Variants in SHQ1 observed in about 807,000 individuals in gnomAD.
The protein encoded by SHQ1 is SHQ1, H/ACA ribonucleoprotein assembly factor, also known as protein SHQ1 homolog.
A neutral mutation model predicts 53.8 loss-of-function variants in SHQ1; 49 were observed. That is an observed-to-expected ratio of 0.91 (90% CI 0.72 to 1.16). The LOEUF is 1.16. SHQ1 is among the 50% of genes most tolerant of loss of function. SHQ1 has a pLI of 0.00. For synonymous variants in SHQ1, 243 were observed against 251.0 expected, an observed-to-expected ratio of 0.97 and a Z score of 0.30; for missense variants, 738 against 683.1, an observed-to-expected ratio of 1.08 and a Z score of -0.90.
At chr3:72,796,041 T>G (rs9843239) in intron 9 of SHQ1, among the ~76,000 whole-genome samples, 3,734 of 140,604 alleles carry the variant, frequency 0.027, 166 homozygotes, top group African/African-American at 0.096. Context: ...AGGCAGAGGT[T>G]GCAGTGAGCC....
chr3:72,792,548 G>A (rs993122797), intron 10 of SHQ1, among the ~76,000 whole-genome samples: 6 of 152,092 alleles, frequency 3.9e-5, no homozygotes, highest in Non-Finnish European at 5.9e-5. Flanking sequence ...CACTCTGGGA[G>A]GCCGAGGTGG....
At chr3:72,764,971 G>A (rs987318182) in intron 10 of SHQ1, among the ~76,000 whole-genome samples, 1 of 152,192 alleles carries the variant, frequency 6.6e-6, no homozygotes. Context: ...AGGGCAGCCT[G>A]ACTCTGTCCC....
At chr3:72,785,951 A>G (rs984514880) in intron 10 of SHQ1, among the ~76,000 whole-genome samples, 1 of 152,208 alleles carries the variant, frequency 6.6e-6, no homozygotes, top group Non-Finnish European at 1.5e-5. Flanking sequence ...CATTAAATCA[A>G]CATTTCCAAA....
At chr3:72,730,061 G>A in the SHQ1 span, among the ~76,000 whole-genome samples, 4 of 151,836 alleles carry the variant, frequency 2.6e-5, no homozygotes, top group Admixed American at 6.6e-5. Context: ...CTCGTGATCC[G>A]CCTGCCTCGG....
intron 6 of SHQ1, among the ~76,000 whole-genome samples, chr3:72,820,150 T>C (rs1018615737): frequency 6.6e-6 from 1 of 152,200 alleles, no homozygotes; most frequent in Non-Finnish European, 1.5e-5. Flanking sequence ...TCTACATATT[T>C]ATGCCTTCAT....
At chr3:72,791,585 T>C (rs948072916) in intron 10 of SHQ1, among the ~76,000 whole-genome samples, 1 of 152,260 alleles carries the variant, frequency 6.6e-6, no homozygotes, top group Non-Finnish European at 1.5e-5. Flanking sequence ...CTAAAGCATT[T>C]ATTTATCAAT....
chr3:72,842,344 G>C lies in SHQ1; in HGVS notation c.267C>G (p.Asn89Lys). The C allele has an allele frequency of 1.2e-6, 2 of 1,613,934 alleles. No homozygotes were observed. Among genetic ancestry groups the C allele is most frequent in the Non-Finnish European group, 1.7e-6 (2 of 1,179,878 alleles). ...ETPGQHFEGL[N>K]MLTALLAPRK... Reference sequence around the variant, plus strand: ...TTGGTGCCAGAAGAGCAGTTAACATGTTCAGCCCCTCAAAATGCTGGCCAG... The same window carrying C: ...TTGGTGCCAGAAGAGCAGTTAACATCTTCAGCCCCTCAAAATGCTGGCCAG... Residue 89 changes from asparagine to lysine, a missense_variant, in exon 3 of 11, where the codon AAC (asparagine) becomes AAG (lysine). By Grantham distance (94) the Asn-to-Lys change is moderately conservative (BLOSUM62 0). Transcript: ENST00000325599.
chr3:72,775,449 G>A (rs906147575), intron 10 of SHQ1, among the ~76,000 whole-genome samples: 83 of 135,428 alleles, frequency 6.1e-4, no homozygotes, highest in Admixed American at 1.3e-3. Flanking sequence ...AAGAAAGAAA[G>A]ACACAATGGC....
At chr3:72,804,853 T>C (rs1221374523) in intron 9 of SHQ1, among the ~76,000 whole-genome samples, 1 of 152,244 alleles carries the variant, frequency 6.6e-6, no homozygotes, top group East Asian at 1.9e-4. Context: ...TGAGACCTTG[T>C]CCCTAAAAAA....
chr3:72,760,822 C>G (rs1705594771), intron 10 of SHQ1, among the ~76,000 whole-genome samples: 2 of 152,154 alleles, frequency 1.3e-5, no homozygotes, highest in African/African-American at 4.8e-5. Flanking sequence ...TCAAATCATT[C>G]CTTAAGGAAA....
intron 4 of SHQ1, among the ~76,000 whole-genome samples, chr3:72,834,979 G>A (rs1013767678): frequency 6.6e-6 from 1 of 152,098 alleles, no homozygotes; most frequent in Admixed American, 6.5e-5. Context: ...GTCTCCCTGA[G>A]CTAAAATCAA....
chr3:72,770,835 T>C (rs969965496), intron 10 of SHQ1, among the ~76,000 whole-genome samples: 11 of 152,188 alleles, frequency 7.2e-5, no homozygotes, highest in African/African-American at 2.4e-4. Flanking sequence ...GAACTGCATA[T>C]AGGCAGATAA....
the SHQ1 span, among the ~76,000 whole-genome samples, chr3:72,734,251 T>A: frequency 6.6e-6 from 1 of 150,766 alleles, no homozygotes; most frequent in African/African-American, 2.5e-5. Context: ...TCATTTTTAT[T>A]TTATTTATTT....
intron 10 of SHQ1, among the ~76,000 whole-genome samples, chr3:72,763,912 C>G (rs1705662682): frequency 6.6e-6 from 1 of 151,708 alleles, no homozygotes; most frequent in South Asian, 2.1e-4. Context: ...TTACAGCAGC[C>G]TTAGGAAATG....
chr3:72,758,862 T>C (rs7433197), intron 10 of SHQ1, among the ~76,000 whole-genome samples: 11,955 of 152,230 alleles, frequency 0.079, 1,412 homozygotes, highest in African/African-American at 0.26. Flanking sequence ...CCACCGCACC[T>C]GGCCAAGGCT....
At chr3:72,770,196 C>T (rs1705816391) in intron 10 of SHQ1, among the ~76,000 whole-genome samples, 1 of 152,220 alleles carries the variant, frequency 6.6e-6, no homozygotes, top group African/African-American at 2.4e-5. Flanking sequence ...ATGTTCTAAA[C>T]AAATTGCATG....
At chr3:72,828,591 G>T (rs999064347) in intron 5 of SHQ1, among the ~76,000 whole-genome samples, 8 of 152,088 alleles carry the variant, frequency 5.3e-5, no homozygotes, top group African/African-American at 1.9e-4. Context: ...CTACTCAGGA[G>T]GCTGAGGCGG....
chr3:72,810,753 T>C (rs1432628897), intron 9 of SHQ1, among the ~76,000 whole-genome samples: 1 of 152,144 alleles, frequency 6.6e-6, no homozygotes, highest in Non-Finnish European at 1.5e-5. Flanking sequence ...CAAAGACAGG[T>C]GACGATTCTC....
intron 10 of SHQ1, among the ~76,000 whole-genome samples, chr3:72,769,913 C>T (rs1237123940): frequency 1.3e-5 from 2 of 152,180 alleles, no homozygotes; most frequent in African/African-American, 4.8e-5. Context: ...TTAACTTAAT[C>T]TCTCTGAGCC....
Sources: gnomAD v4.1 joint callset for allele counts (sites outside exome capture counted in the v4.1 genomes callset) on GRCh38, gnomAD v4.1.1 for gene constraint, MANE v1.5 for transcripts, NCBI Gene and HGNC (gene_info 2026-07-23, HGNC 2026-07-21) for gene names.